The following CLEC4A variants were observed in gnomAD, a reference collection of about 807,000 sequenced individuals.
CLEC4A encodes the protein C-type lectin domain family 4 member A.
Under a neutral mutation model 32.7 loss-of-function variants are expected in CLEC4A, and 27 were observed. That is an observed-to-expected ratio of 0.83 (90% CI 0.61 to 1.14). The LOEUF is 1.14. Among genes scored for constraint, CLEC4A ranks in the 50% most tolerant of loss-of-function variants. The pLI is 0.00. For missense variants in CLEC4A, 253 were observed against 274.6 expected, an observed-to-expected ratio of 0.92 and a Z score of 0.55; for synonymous variants, 89 against 93.7, an observed-to-expected ratio of 0.95 and a Z score of 0.29.
chr12:8,133,500 AT>A (rs35915549), intron 3 of CLEC4A, among the ~76,000 whole-genome samples: 95,949 of 138,092 alleles, frequency 0.69, 34,211 homozygotes, highest in South Asian at 0.82. Context: ...TAAAATTTCC[AT>A]TTTTTTTTTT....
intron 2 of CLEC4A, among the ~76,000 whole-genome samples, chr12:8,128,310 C>T (rs1211918345): frequency 6.6e-6 from 1 of 151,890 alleles, no homozygotes; most frequent in African/African-American, 2.4e-5. Context: ...ACTGAGGATC[C>T]ACTTTAGGGA....
intron 2 of CLEC4A, among the ~76,000 whole-genome samples, chr12:8,127,581 A>G (rs993542674): frequency 2.0e-5 from 3 of 152,250 alleles, no homozygotes; most frequent in African/African-American, 7.2e-5. Flanking sequence ...TTATAGAAAC[A>G]TGATTTTTAC....
At chr12:8,134,078 T>G in intron 3 of CLEC4A, 1 of 1,589,074 alleles carries the variant, frequency 6.3e-7, no homozygotes, top group Non-Finnish European at 8.6e-7. Context: ...GTGGCTGATC[T>G]GCTGCAGTGT....
chr12:8,103,724 G>T, the CLEC4A span, among the ~76,000 whole-genome samples: 1 of 152,080 alleles, frequency 6.6e-6, no homozygotes, highest in Non-Finnish European at 1.5e-5. Context: ...TTGAGTGCTT[G>T]CTAAATTAAA....
intron 3 of CLEC4A, chr12:8,134,127 C>T (rs1948049009): frequency 1.2e-6 from 2 of 1,601,740 alleles, no homozygotes; most frequent in Non-Finnish European, 1.7e-6. Flanking sequence ...TCCAGGTTGC[C>T]TCTCACTTGG....
At chr12:8,105,597 G>A in the CLEC4A span, among the ~76,000 whole-genome samples, 5 of 151,914 alleles carry the variant, frequency 3.3e-5, no homozygotes, top group African/African-American at 9.7e-5. Flanking sequence ...TGATCCACCC[G>A]CCTCAGCCTC....
chr12:8,125,642 T>G lies in CLEC4A; in HGVS notation c.164T>G (p.Leu55Arg). Residue 55 changes from leucine (L) to arginine (R), a missense_variant, in exon 2 of 6, where the codon CTG becomes CGG. By Grantham distance (102) the Leu-to-Arg change is moderately radical (BLOSUM62 -2). Transcript: ENST00000229332. ...TGTGCCTCACTGTTGATATTTTTCCTGCTATTGGCAATCTCATTCTTTATT... is the reference window on the plus strand; with the variant it reads ...TGTGCCTCACTGTTGATATTTTTCCGGCTATTGGCAATCTCATTCTTTATT... ...LLCASLLIFF[L>R]LLAISFFIAF... 1 of 1,612,632 alleles carries G rather than the reference T, an allele frequency of 6.2e-7. No individual in the cohort carries two copies. Among genetic ancestry groups the G allele is most frequent in the Non-Finnish European group, 8.5e-7 (1 of 1,178,652 alleles).
At chr12:8,131,015 T>C (rs998567399) in intron 3 of CLEC4A, among the ~76,000 whole-genome samples, 9 of 152,146 alleles carry the variant, frequency 5.9e-5, no homozygotes, top group African/African-American at 2.2e-4. Context: ...ACCCTGACAG[T>C]TTTGAGCAAT....
At chr12:8,110,342 T>C in the CLEC4A span, among the ~76,000 whole-genome samples, 1 of 152,194 alleles carries the variant, frequency 6.6e-6, no homozygotes, top group African/African-American at 2.4e-5. Context: ...GACAACATGC[T>C]AGTGTCAAAG....
chr12:8,123,304 C>A (rs1288785057), upstream of CLEC4A, among the ~76,000 whole-genome samples: 1 of 152,142 alleles, frequency 6.6e-6, no homozygotes, highest in Admixed American at 6.5e-5. Flanking sequence ...ACTTTGCCAT[C>A]CCCACCATGC....
intron 3 of CLEC4A, chr12:8,133,632 C>T: frequency 2.0e-6 from 2 of 1,011,622 alleles, no homozygotes; most frequent in Non-Finnish European, 2.9e-6. Flanking sequence ...CCAAACTCCC[C>T]TGCCCCCACC....
In CLEC4A at chr12:8,136,903, C is replaced by T. The variant is rs767315232; in HGVS notation, c.566C>T (p.Thr189Ile). The T allele has an allele frequency of 1.0e-5, 16 of 1,596,892 alleles. No individual in the cohort carries two copies. The highest frequency in any genetic ancestry group is 1.2e-5 in the Non-Finnish European group (14 of 1,164,828). ...CAGACACCATACAATGAAAGTTCCA[C>T]GTGAGTATAGAATGAGATAAAAGAA... ...VDQTPYNESSTFWHPREPSDP... is the reference protein window; with the variant it reads ...VDQTPYNESSIFWHPREPSDP... Residue 189 changes from threonine to isoleucine, a missense_variant and splice_region_variant, in exon 5 of 6, where the codon ACA (threonine) becomes ATA (isoleucine). By Grantham distance (89) the Thr-to-Ile change is moderately conservative. Transcript: ENST00000229332.
chr12:8,136,692 G>A (rs923448281), intron 4 of CLEC4A, 96 bp from the exon 5 acceptor site: 2 of 712,422 alleles, frequency 2.8e-6, no homozygotes, highest in Admixed American at 2.3e-5. Flanking sequence ...AGCTGTTGCT[G>A]GATCCTCTCC....
chr12:8,124,703 A>C (rs1380600991), intron 1 of CLEC4A, among the ~76,000 whole-genome samples: 2 of 152,204 alleles, frequency 1.3e-5, no homozygotes, highest in African/African-American at 4.8e-5. Context: ...ACCTCTGTGA[A>C]GGTGTGGAGA....
At chr12:8,118,849 T>C (rs1947809401), upstream of CLEC4A, among the ~76,000 whole-genome samples, 1 of 152,194 alleles carries the variant, frequency 6.6e-6, no homozygotes, top group African/African-American at 2.4e-5. Flanking sequence ...GAGGGCTTTG[T>C]GGATGGAATT....
At chr12:8,132,679 A>G (rs777317200) in intron 3 of CLEC4A, among the ~76,000 whole-genome samples, 1 of 152,286 alleles carries the variant, frequency 6.6e-6, no homozygotes, top group East Asian at 1.9e-4. Context: ...TATAAGTTCT[A>G]TGTTCTTGCT....
the CLEC4A span, among the ~76,000 whole-genome samples, chr12:8,111,253 C>T: frequency 6.9e-6 from 1 of 144,874 alleles, no homozygotes; most frequent in Non-Finnish European, 1.5e-5. Context: ...GATCTCAGCT[C>T]ACTGCAACCT....
intron 4 of CLEC4A, among the ~76,000 whole-genome samples, chr12:8,136,137 T>C (rs1948112685): frequency 1.3e-5 from 2 of 152,166 alleles, no homozygotes; most frequent in East Asian, 1.9e-4. Flanking sequence ...AAATAAAGAA[T>C]CCCTGAAGTT....
chr12:8,119,585 A>G (rs1382517216), upstream of CLEC4A, among the ~76,000 whole-genome samples: 1 of 152,252 alleles, frequency 6.6e-6, no homozygotes, highest in African/African-American at 2.4e-5. Context: ...AAAAATCTTT[A>G]AAAATAAAAG....
Sources: allele counts gnomAD v4.1 joint callset (sites outside exome capture counted in the v4.1 genomes callset), GRCh38; gene constraint gnomAD v4.1.1; transcripts MANE v1.5; gene names NCBI Gene and HGNC (gene_info 2026-07-23, HGNC 2026-07-21).